The following OR56A3 variants were observed in gnomAD, a reference collection of about 807,000 sequenced individuals.
OR56A3 encodes the protein olfactory receptor family 56 subfamily A member 3.
A neutral mutation model predicts 17.5 loss-of-function variants in OR56A3; 23 were observed. The ratio of observed to expected loss-of-function variants is 1.32; its 90% CI spans 0.95 to 1.87. OR56A3 has a LOEUF of 1.87. Ranked by LOEUF, OR56A3 falls within the 40% of genes most tolerant of loss-of-function variation. The pLI, the probability that OR56A3 is intolerant of heterozygous loss-of-function variation, is 0.00. For synonymous variants in OR56A3, 175 were observed against 150.6 expected, an observed-to-expected ratio of 1.16 and a Z score of -1.19; for missense variants, 366 against 380.1, an observed-to-expected ratio of 0.96 and a Z score of 0.31.
At chr11:5,983,569 G>C in the OR56A3 span, among the ~76,000 whole-genome samples, 4 of 152,068 alleles carry the variant, frequency 2.6e-5, no homozygotes, top group South Asian at 2.1e-4. Flanking sequence ...GGATGAGAAG[G>C]CTCCCTCATA....
At chr11:5,984,504 T>G in the OR56A3 span, among the ~76,000 whole-genome samples, 1 of 152,220 alleles carries the variant, frequency 6.6e-6, no homozygotes, top group Non-Finnish European at 1.5e-5. Context: ...GAAAGCTGCC[T>G]GAGATGAAGC....
At chr11:6,006,004 G>C in the OR56A3 span, among the ~76,000 whole-genome samples, 3 of 152,156 alleles carry the variant, frequency 2.0e-5, no homozygotes, top group Non-Finnish European at 4.4e-5. Flanking sequence ...CAAAGGAAAA[G>C]TGATTAAGAT....
chr11:5,968,445 A>G, the OR56A3 span: 1 of 1,583,140 alleles, frequency 6.3e-7, no homozygotes, highest in South Asian at 1.1e-5. Flanking sequence ...GAAACAAATG[A>G]GGAAGAATTC....
chr11:5,962,640 A>G, the OR56A3 span, among the ~76,000 whole-genome samples: 38,762 of 150,024 alleles, frequency 0.26, 4,951 homozygotes, highest in Admixed American at 0.27. Context: ...CCGGGTTCAC[A>G]CCATTCTCCT....
downstream of OR56A3, among the ~76,000 whole-genome samples, chr11:5,951,645 C>A (rs926429480): frequency 1.4e-4 from 22 of 152,106 alleles, no homozygotes; most frequent in Admixed American, 1.4e-3. Flanking sequence ...GCAGGCCCAG[C>A]TGATGCTAGT....
the OR56A3 span, chr11:6,021,277 G>C: frequency 5.2e-4 from 79 of 152,148 alleles, no homozygotes; most frequent in African/African-American, 1.7e-3. Flanking sequence ...TTTAAAAAAT[G>C]TATTGATCCT....
At chr11:5,960,821 T>G in the OR56A3 span, among the ~76,000 whole-genome samples, 2 of 151,136 alleles carry the variant, frequency 1.3e-5, no homozygotes, top group African/African-American at 4.9e-5. Context: ...GAGGAGCGTC[T>G]CTGCCCGGCC....
At chr11:6,014,210 A>G in the OR56A3 span, among the ~76,000 whole-genome samples, 1 of 152,196 alleles carries the variant, frequency 6.6e-6, no homozygotes, top group Non-Finnish European at 1.5e-5. Context: ...TAAGCCACTG[A>G]GAAAAAAACA....
At chr11:5,975,031 T>C in the OR56A3 span, among the ~76,000 whole-genome samples, 1 of 152,206 alleles carries the variant, frequency 6.6e-6, no homozygotes, top group Non-Finnish European at 1.5e-5. Flanking sequence ...AACTGTAAAA[T>C]ATAAAGTTCT....
At chr11:5,978,393 T>C in the OR56A3 span, among the ~76,000 whole-genome samples, 1 of 152,190 alleles carries the variant, frequency 6.6e-6, no homozygotes, top group Non-Finnish European at 1.5e-5. Flanking sequence ...TTCAGCAGTG[T>C]TTTGTAATTC....
chr11:5,995,970 G>A, the OR56A3 span, among the ~76,000 whole-genome samples: 1 of 152,080 alleles, frequency 6.6e-6, no homozygotes, highest in African/African-American at 2.4e-5. Context: ...TTCTTCATTT[G>A]AGTGAGATCA....
At chr11:5,943,139 A>G (rs775277999) in intron 1 of OR56A3, among the ~76,000 whole-genome samples, 2 of 152,208 alleles carry the variant, frequency 1.3e-5, no homozygotes, top group African/African-American at 2.4e-5. Context: ...AGGGATGAGT[A>G]CTTTATTGAT....
chr11:6,006,909 G>A, the OR56A3 span: 1 of 152,382 alleles, frequency 6.6e-6, no homozygotes, highest in Non-Finnish European at 1.5e-5. Context: ...GCCCCACCTT[G>A]AGACTCACCA....
the OR56A3 span, among the ~76,000 whole-genome samples, chr11:5,972,416 G>A: frequency 6.6e-6 from 1 of 152,112 alleles, no homozygotes; most frequent in Non-Finnish European, 1.5e-5. Flanking sequence ...TGGTGACCCA[G>A]GGTCTCCTGG....
chr11:5,962,056 G>T, the OR56A3 span, among the ~76,000 whole-genome samples: 3 of 152,218 alleles, frequency 2.0e-5, no homozygotes, highest in Non-Finnish European at 4.4e-5. Context: ...TTATGTTGAG[G>T]TAAACTTCTT....
the OR56A3 span, among the ~76,000 whole-genome samples, chr11:6,005,096 A>G: frequency 0.99 from 150,224 of 152,224 alleles, 74,145 homozygotes; most frequent in East Asian, 1. Flanking sequence ...TATACTGATC[A>G]TGTAAACCTA....
the OR56A3 span, among the ~76,000 whole-genome samples, chr11:5,972,626 G>A: frequency 6.6e-6 from 1 of 152,110 alleles, no homozygotes; most frequent in African/African-American, 2.4e-5. Context: ...GCAGTAGTTT[G>A]GGATACTGGG....
the OR56A3 span, chr11:6,002,538 A>G: frequency 3.7e-5 from 60 of 1,614,110 alleles, no homozygotes; most frequent in Non-Finnish European, 4.8e-5. Context: ...ATTCCGGGCT[A>G]TAACAAAGAC....
downstream of OR56A3, among the ~76,000 whole-genome samples, chr11:5,954,540 C>G (rs1248654140): frequency 6.6e-6 from 1 of 152,066 alleles, no homozygotes; most frequent in Non-Finnish European, 1.5e-5. Flanking sequence ...ATAAGTTGAT[C>G]ATTTTTTTAA....
Sources: gnomAD v4.1 joint callset for allele counts (sites outside exome capture counted in the v4.1 genomes callset) on GRCh38, gnomAD v4.1.1 for gene constraint, MANE v1.5 for transcripts, NCBI Gene and HGNC (gene_info 2026-07-23, HGNC 2026-07-21) for gene names.